KCNB2: variants seen among roughly 807,000 people sequenced by gnomAD.
KCNB2 encodes potassium voltage-gated channel subfamily B member 2.
A neutral mutation model predicts 61.5 loss-of-function variants in KCNB2; 15 were observed. The observed-to-expected ratio is 0.24, with a 90% CI of 0.16 to 0.38. The LOEUF is 0.38. KCNB2 is among the 10% of genes least tolerant of loss of function. The probability of loss-of-function intolerance (pLI) is 1.00; values close to 1 mark genes in which losing one functional copy is unlikely to be tolerated. For synonymous variants in KCNB2, 457 were observed against 446.0 expected, an observed-to-expected ratio of 1.02 and a Z score of -0.31; for missense variants, 828 against 1,125.2, an observed-to-expected ratio of 0.74 and a Z score of 3.78.
At position 72,868,053 on chromosome 8, in the gene KCNB2, TG is replaced by T. The variant is rs1225613752; in HGVS notation, c.580-67879del. Among the ~76,000 whole-genome samples the T allele has an allele frequency of 9.9e-5, 12 of 120,736 alleles. No individual in the cohort carries two copies. The East Asian group carries it at 2.6e-3, about 26-fold the overall frequency. 79.2% of individuals were successfully genotyped at this position (120,736 alleles called of 152,430 possible). On this transcript the variant is annotated intron_variant, in intron 2 of 2. Transcript: ENST00000523207. ...TCTACAAGCCAGTGGAGGTTGATTT[TG>T]GGTTTTTTTTTTTATTATTTATTTT...
chr8:72,678,201 T>A (rs2256909), intron 2 of KCNB2, among the ~76,000 whole-genome samples: 38,927 of 152,212 alleles, frequency 0.26, 8,636 homozygotes, highest in African/African-American at 0.6. Context: ...TGCCTGTCTA[T>A]GCCACCATTG....
At chr8:72,589,708 T>A (rs1807062889) in intron 2 of KCNB2, among the ~76,000 whole-genome samples, 1 of 148,542 alleles carries the variant, frequency 6.7e-6, no homozygotes, top group South Asian at 2.2e-4. Context: ...AGTGTAAATC[T>A]AAGACTGATT....
In KCNB2 at chr8:72,787,233, AT is replaced by A. The variant is rs1170532877; in HGVS notation, c.580-148691del. Among the ~76,000 whole-genome samples, 674 of 148,514 alleles carry A rather than the reference AT, an allele frequency of 4.5e-3. 6 individuals are homozygous for A. The highest frequency in any genetic ancestry group is 0.015 in the African/African-American group (600 of 40,650). The stretch of plus-strand genomic sequence containing the variant: ...AACATAGAAAGATCCCGTCTCTATA[AT>A]TTTTTTTTTTCACTTAGCTACCCAT... On this transcript the variant is annotated intron_variant, in intron 2 of 2. Coordinates refer to ENST00000523207, the MANE Select transcript of KCNB2 (RefSeq NM_004770.3).
At chr8:72,624,607 C>G (rs1805761272) in intron 2 of KCNB2, among the ~76,000 whole-genome samples, 1 of 152,168 alleles carries the variant, frequency 6.6e-6, no homozygotes, top group South Asian at 2.1e-4. Flanking sequence ...TTAACCCTAC[C>G]TGATCACACT....
rs892691121 is a variant in KCNB2, at chr8:72,870,359, AT to A, written c.580-65572del. Reference sequence around the variant, plus strand: ...AGTGTTCTTACTGCAGTAAAAATACATTTTAAAAAAACATATTAAAATTGTA... The same window carrying A: ...AGTGTTCTTACTGCAGTAAAAATACATTTAAAAAAACATATTAAAATTGTA... On this transcript the variant is annotated intron_variant, in intron 2 of 2. Coordinates refer to ENST00000523207, the MANE Select transcript of KCNB2 (RefSeq NM_004770.3). Among the ~76,000 whole-genome samples the A allele has an allele frequency of 2.0e-4, 30 of 152,216 alleles. 1 individual carries two copies. The highest frequency in any genetic ancestry group is 7.2e-4 in the African/African-American group (30 of 41,462).
In KCNB2 at chr8:72,567,714, T is replaced by G; in HGVS notation, c.-21T>G. 2.0e-6 allele frequency: 3 copies of G among 1,501,824 alleles called. No homozygotes were observed. The highest frequency in any genetic ancestry group is 2.7e-6 in the Non-Finnish European group (3 of 1,122,266). 93.0% of individuals were successfully genotyped at this position (1,501,824 alleles called of 1,614,324 possible). On this transcript the variant is annotated 5_prime_UTR_variant, in exon 2 of 3. Transcript: ENST00000523207. ...CCTCATTTTTTAAGGACCCTGGCTC[T>G]GCGGCTTTGTCCAGTTCAAAATGGC...
chr8:72,653,912 T>C (rs964136961), intron 2 of KCNB2, among the ~76,000 whole-genome samples: 3 of 152,222 alleles, frequency 2.0e-5, no homozygotes, highest in Admixed American at 6.5e-5. Flanking sequence ...AAGAGAAAGA[T>C]ATCTGGGTTC....
chr8:72,623,168 T>G (rs1256323315), intron 2 of KCNB2, among the ~76,000 whole-genome samples: 1 of 152,246 alleles, frequency 6.6e-6, no homozygotes, highest in Non-Finnish European at 1.5e-5. Flanking sequence ...CAATCAGTGT[T>G]GAGGTTAACT....
chr8:72,639,272 C>T (rs1157173786), intron 2 of KCNB2, among the ~76,000 whole-genome samples: 2 of 152,116 alleles, frequency 1.3e-5, no homozygotes, highest in African/African-American at 2.4e-5. Flanking sequence ...GCATGTTCTA[C>T]CACCCACAGC....
intron 2 of KCNB2, among the ~76,000 whole-genome samples, chr8:72,843,627 G>A (rs1457460572): frequency 6.6e-6 from 1 of 152,060 alleles, no homozygotes; most frequent in East Asian, 1.9e-4. Flanking sequence ...CTCCTGTATT[G>A]GGCACATATA....
intron 2 of KCNB2, among the ~76,000 whole-genome samples, chr8:72,654,075 A>G (rs949994691): frequency 4.6e-5 from 7 of 152,166 alleles, no homozygotes; most frequent in Non-Finnish European, 8.8e-5. Context: ...AATTTTCATA[A>G]TGATCCAATT....
At chr8:72,591,094 C>G (rs1182181895) in intron 2 of KCNB2, among the ~76,000 whole-genome samples, 1 of 150,850 alleles carries the variant, frequency 6.6e-6, no homozygotes, top group African/African-American at 2.4e-5. Context: ...CTTGGAGACA[C>G]CTTTTGTTCA....
At chr8:72,853,278 G>C (rs7003910) in intron 2 of KCNB2, among the ~76,000 whole-genome samples, 129,822 of 152,200 alleles carry the variant, frequency 0.85, 56,336 homozygotes, top group Middle Eastern at 0.97. Context: ...GGAAATTCAG[G>C]AGCCTGTGGC....
chr8:72,611,764 A>G (rs16938257), intron 2 of KCNB2, among the ~76,000 whole-genome samples: 4,269 of 152,280 alleles, frequency 0.028, 81 homozygotes, highest in South Asian at 0.082. Context: ...ACATGAGAAT[A>G]AAAAAGATCA....
intron 2 of KCNB2, among the ~76,000 whole-genome samples, chr8:72,703,741 A>G (rs1807172072): frequency 6.6e-6 from 1 of 152,208 alleles, no homozygotes; most frequent in Admixed American, 6.5e-5. Flanking sequence ...TCTCACTGTA[A>G]TAGGTGGCTA....
rs111928128 is a variant in KCNB2, at chr8:72,664,782, C to T, written c.579+96469C>T. On this transcript the variant is annotated intron_variant, in intron 2 of 2. Transcript: ENST00000523207. ...TAGACAAAGTAAATAAGTAAAATCA[C>T]AATATGTTAGAAAACGATAACTGCA... Among the ~76,000 whole-genome samples, 453 of 152,258 alleles carry T rather than the reference C, an allele frequency of 3.0e-3. 2 individuals are homozygous for T. Among genetic ancestry groups the T allele is most frequent in the African/African-American group, 0.01 (431 of 41,542 alleles).
intron 2 of KCNB2, among the ~76,000 whole-genome samples, chr8:72,631,695 C>G (rs757699582): frequency 6.6e-6 from 1 of 152,114 alleles, no homozygotes. Context: ...TTGTCACATG[C>G]TAATATCAAT....
intron 2 of KCNB2, among the ~76,000 whole-genome samples, chr8:72,698,535 A>AAAAACTATTCT (rs1807057548): frequency 6.6e-6 from 1 of 152,200 alleles, no homozygotes; most frequent in Non-Finnish European, 1.5e-5. Context: ...ATGGAACTGA[A>AAAAACTATTCT]AAAAGAACCA....
chr8:72,860,258 T>C (rs1810277897), intron 2 of KCNB2, among the ~76,000 whole-genome samples: 1 of 149,116 alleles, frequency 6.7e-6, no homozygotes, highest in Admixed American at 6.7e-5. Context: ...ACCATCAGAC[T>C]TTTTTCCAAT....
Sources: gnomAD v4.1 joint callset for allele counts (sites outside exome capture counted in the v4.1 genomes callset) on GRCh38, gnomAD v4.1.1 for gene constraint, MANE v1.5 for transcripts, NCBI Gene and HGNC (gene_info 2026-07-23, HGNC 2026-07-21) for gene names.